The following FRMPD4 variants were observed in gnomAD, a reference collection of about 807,000 sequenced individuals.
The protein encoded by FRMPD4 is FERM and PDZ domain containing 4.
Under a neutral mutation model 94.1 loss-of-function variants are expected in FRMPD4, and 22 were observed. The ratio of observed to expected loss-of-function variants is 0.23; its 90% CI spans 0.17 to 0.33. FRMPD4 has a LOEUF of 0.33. Among genes scored for constraint, FRMPD4 ranks in the 10% least tolerant of loss-of-function variants. The pLI is 1.00. For synonymous variants in FRMPD4, 631 were observed against 548.6 expected (o/e 1.15, Z -2.10); for missense variants, 1,111 against 1,339.9 (o/e 0.83, Z 2.67).
intron 3 of FRMPD4, among the ~76,000 whole-genome samples, chrX:12,030,722 G>A (rs1201538917): frequency 1.8e-5 from 2 of 111,719 alleles, no homozygotes; most frequent in Admixed American, 9.5e-5. Flanking sequence ...AAGCCTAAAA[G>A]CAAGTTGGAG....
rs778620687 is a variant in FRMPD4, at chrX:12,663,926, T to G, written c.423-10937T>G. ...TTGAAGAGGTCCTTCACATCCCTTGTAAGTTGTATTCCTAGGTATTTTATT... is the reference window on the plus strand; with the variant it reads ...TTGAAGAGGTCCTTCACATCCCTTGGAAGTTGTATTCCTAGGTATTTTATT... On this transcript the variant is annotated intron_variant, in intron 4 of 16. Coordinates refer to ENST00000675598, the MANE Select transcript of FRMPD4 (RefSeq NM_001368397.1). Among the ~76,000 whole-genome samples the G allele has an allele frequency of 1.4e-3, 152 of 112,054 alleles. 1 individual carries two copies. The highest frequency in any genetic ancestry group is 4.6e-3 in the African/African-American group (141 of 30,834).
At chrX:12,432,436 C>T (rs188515702) in intron 1 of FRMPD4, among the ~76,000 whole-genome samples, 3 of 112,272 alleles carry the variant, frequency 2.7e-5, no homozygotes, top group African/African-American at 9.7e-5. Context: ...AGGCTTAGGA[C>T]CTCACATAGG....
At chrX:12,450,816 C>T (rs751982377) in intron 1 of FRMPD4, among the ~76,000 whole-genome samples, 20 of 80,762 alleles carry the variant, frequency 2.5e-4, no homozygotes, top group Non-Finnish European at 3.2e-4. Flanking sequence ...GCCAATAAAT[C>T]AATGGAAATA....
Position 12,193,838 on chromosome X carries a change from G to GGAAGGAAGGAAGGAAAGA in FRMPD4, c.41+54826_41+54827insGAAGGAAGGAAGGAAAGA, listed in dbSNP as rs1478269492. The stretch of plus-strand genomic sequence containing the variant: ...AGGAAGGAAGGAAGGAGGGAAGGAA[G>GGAAGGAAGGAAGGAAAGA]AAAGAAAAGAAAGAAAAAGGAAGGA... On this transcript the variant is annotated intron_variant, in intron 1 of 16. Coordinates refer to ENST00000675598, the MANE Select transcript of FRMPD4 (RefSeq NM_001368397.1). Among the ~76,000 whole-genome samples the GGAAGGAAGGAAGGAAAGA allele has an allele frequency of 4.2e-4, 25 of 59,959 alleles. 2 individuals carry two copies. The highest frequency in any genetic ancestry group is 1.7e-3 in the Admixed American group (7 of 4,131). The allele number at this position is 59,959 out of a possible 115,157, so 52.1% of individuals were successfully genotyped here. A position where few individuals can be genotyped will look rare whatever the true frequency, so the allele number is the denominator to read the frequency against.
intron 3 of FRMPD4, among the ~76,000 whole-genome samples, chrX:12,122,913 T>C (rs376132973): frequency 7.2e-5 from 8 of 111,237 alleles, no homozygotes; most frequent in African/African-American, 2.6e-4. Flanking sequence ...TCTGAGCAAA[T>C]ATACATATCT....
At chrX:12,093,458 G>A (rs2147499365) in intron 3 of FRMPD4, among the ~76,000 whole-genome samples, 1 of 110,566 alleles carries the variant, frequency 9.0e-6, no homozygotes, top group Non-Finnish European at 1.9e-5. Flanking sequence ...GGCAAGAAGA[G>A]GCATTAATGA....
intron 3 of FRMPD4, among the ~76,000 whole-genome samples, chrX:12,057,587 C>A (rs1339719401): frequency 5.4e-5 from 6 of 111,189 alleles, no homozygotes; most frequent in Non-Finnish European, 7.6e-5. Flanking sequence ...TTCCTAGTAA[C>A]CACAAACAGT....
At chrX:11,911,294 G>C (rs193158587) in intron 3 of FRMPD4, among the ~76,000 whole-genome samples, 1 of 112,310 alleles carries the variant, frequency 8.9e-6, no homozygotes, top group East Asian at 2.8e-4. Context: ...TACTGACTTC[G>C]TTTGTCTCTG....
At chrX:12,440,598 G>A (rs1008010566) in intron 1 of FRMPD4, among the ~76,000 whole-genome samples, 8 of 111,253 alleles carry the variant, frequency 7.2e-5, no homozygotes, top group African/African-American at 2.6e-4. Context: ...GCTCTCTCTA[G>A]TAATTGGCAA....
intron 3 of FRMPD4, among the ~76,000 whole-genome samples, chrX:11,978,321 C>CAAAAAAAAAAAAAAAAAAAAAAAAAA: frequency 6.1e-5 from 1 of 16,365 alleles, no homozygotes; most frequent in Non-Finnish European, 1.0e-4. Flanking sequence ...AACTCCATCT[C>CAAAAAAAAAAAAAAAAAAAAAAAAAA]AAAAAAAAAA....
At chrX:11,986,525 G>A (rs1186304286) in intron 3 of FRMPD4, among the ~76,000 whole-genome samples, 1 of 111,248 alleles carries the variant, frequency 9.0e-6, no homozygotes, top group Non-Finnish European at 1.9e-5. Context: ...AACTAGAAAA[G>A]CAAGACAAAA....
upstream of FRMPD4, among the ~76,000 whole-genome samples, chrX:12,137,980 C>T (rs72612868): frequency 0.08 from 8,954 of 111,353 alleles, 924 homozygotes; most frequent in East Asian, 0.61. Flanking sequence ...GCTCTATGCT[C>T]CTCGAGGAGG....
At chrX:12,040,508 C>T in intron 3 of FRMPD4, among the ~76,000 whole-genome samples, 1 of 99,073 alleles carries the variant, frequency 1.0e-5, no homozygotes, top group Non-Finnish European at 2.1e-5. Context: ...GATTTTATTC[C>T]TTTTATTTTA....
At chrX:11,858,124 C>T (rs931766612) in intron 1 of FRMPD4, among the ~76,000 whole-genome samples, 6 of 111,545 alleles carry the variant, frequency 5.4e-5, no homozygotes, top group Non-Finnish European at 7.5e-5. Context: ...TTAGTTCAGC[C>T]GTTGTGGAAG....
At chrX:11,905,275 T>G in intron 3 of FRMPD4, among the ~76,000 whole-genome samples, 1 of 111,519 alleles carries the variant, frequency 9.0e-6, no homozygotes, top group Non-Finnish European at 1.9e-5. Context: ...TGATTATATG[T>G]GATTCCCAGA....
chrX:12,558,008 C>T (rs2058614446), intron 2 of FRMPD4, among the ~76,000 whole-genome samples: 1 of 112,420 alleles, frequency 8.9e-6, no homozygotes, highest in African/African-American at 3.2e-5. Flanking sequence ...ATGAAGTCAA[C>T]CACAGCATAT....
chrX:12,444,373 A>T (rs1411080611), intron 1 of FRMPD4, among the ~76,000 whole-genome samples: 3 of 111,436 alleles, frequency 2.7e-5, no homozygotes, highest in Non-Finnish European at 5.6e-5. Flanking sequence ...AGCTCTATGC[A>T]AAGAGGGCTG....
rs147082924 is a variant in FRMPD4, at chrX:12,477,559, G to A, written c.42-21121G>A. 2.9e-3 allele frequency among the ~76,000 whole-genome samples: 321 copies of A among 112,524 alleles called. 4 individuals carry two copies. In the East Asian group the frequency reaches 0.03, roughly 10 times the overall value. ...TGGGCAGACATCGGTCTTTTCAGCT[G>A]GGTTGTTTCCAGCTGTCTCATTGAA... is the stretch of plus-strand genomic sequence containing the variant. On this transcript the variant is annotated intron_variant, in intron 1 of 16. Coordinates refer to ENST00000675598, the MANE Select transcript of FRMPD4 (RefSeq NM_001368397.1).
intron 3 of FRMPD4, among the ~76,000 whole-genome samples, chrX:11,962,174 T>C (rs1338006162): frequency 8.9e-6 from 1 of 112,410 alleles, no homozygotes; most frequent in African/African-American, 3.2e-5. Context: ...TGGGCTTCCC[T>C]GCTTCTAGAG....
Sources: allele counts gnomAD v4.1 joint callset (sites outside exome capture counted in the v4.1 genomes callset), GRCh38; gene constraint gnomAD v4.1.1; transcripts MANE v1.5; gene names NCBI Gene and HGNC (gene_info 2026-07-23, HGNC 2026-07-21).